The following LRRTM4 variants were observed in gnomAD, a reference collection of about 807,000 sequenced individuals.
The protein encoded by LRRTM4 is leucine rich repeat transmembrane neuronal 4, also known as leucine-rich repeat transmembrane neuronal protein 4.
A neutral mutation model predicts 47.6 loss-of-function variants in LRRTM4; 25 were observed. The ratio of observed to expected loss-of-function variants is 0.53; its 90% CI spans 0.38 to 0.73. The LOEUF (loss-of-function observed/expected upper bound fraction) is 0.73. Among genes scored for constraint, LRRTM4 ranks in the 30% least tolerant of loss-of-function variants. LRRTM4 has a pLI of 0.00. For missense variants in LRRTM4, 638 were observed against 713.4 expected, an observed-to-expected ratio of 0.89 and a Z score of 1.20; for synonymous variants, 311 against 269.5, an observed-to-expected ratio of 1.15 and a Z score of -1.51.
chr2:77,144,855 G>A (rs1356874674), intron 3 of LRRTM4, among the ~76,000 whole-genome samples: 1 of 152,110 alleles, frequency 6.6e-6, no homozygotes, highest in Non-Finnish European at 1.5e-5. Context: ...TATATTGACA[G>A]AACTGTTGTA....
At position 77,286,137 on chromosome 2, in the gene LRRTM4, G is replaced by A. The variant is rs374299589; in HGVS notation, c.1551+232181C>T. Among the ~76,000 whole-genome samples, 24 of 152,138 alleles carry A rather than the reference G, an allele frequency of 1.6e-4. No homozygotes were observed. In the South Asian group the frequency reaches 4.3e-3, roughly 28 times the overall value. ...TTGGATGTTTCCTGTTATTTTCAGA[G>A]TTGAAAAAATTATGGGGACCAGTCA... On this transcript the variant is annotated intron_variant, in intron 3 of 3. Transcript: ENST00000409884.
At chr2:77,321,076 A>G (rs1041185531) in intron 3 of LRRTM4, among the ~76,000 whole-genome samples, 2 of 152,122 alleles carry the variant, frequency 1.3e-5, no homozygotes. Flanking sequence ...ATTTTTTTAA[A>G]AAAAGGACAA....
In LRRTM4 at chr2:77,207,866, C is replaced by CTTT. The variant is rs754540782; in HGVS notation, c.1551+310449_1551+310451dup. Among the ~76,000 whole-genome samples, 190 of 42,612 alleles carry CTTT rather than the reference C, an allele frequency of 4.5e-3. 48 individuals carry two copies. Among genetic ancestry groups the CTTT allele is most frequent in the East Asian group, 9.2e-3 (11 of 1,198 alleles). 28.0% of individuals were successfully genotyped at this position (42,612 alleles called of 152,430 possible). A position where few individuals can be genotyped will look rare whatever the true frequency, so the allele number is the denominator to read the frequency against. ...ATGAAAGTTGAATAAGGGAAAGTGG[C>CTTT]TTTTTTTTTTTTTTTTTTTTTTTTT... On this transcript the variant is annotated intron_variant, in intron 3 of 3. Coordinates refer to ENST00000409884, the MANE Select transcript of LRRTM4 (RefSeq NM_001134745.3).
chr2:76,785,554 T>G (rs1674629516), intron 3 of LRRTM4, among the ~76,000 whole-genome samples: 1 of 152,118 alleles, frequency 6.6e-6, no homozygotes, highest in East Asian at 1.9e-4. Flanking sequence ...TGGAAGGTGT[T>G]TCTAGTGTTT....
At chr2:76,902,025 G>A (rs189951114) in intron 3 of LRRTM4, among the ~76,000 whole-genome samples, 1 of 152,252 alleles carries the variant, frequency 6.6e-6, no homozygotes, top group East Asian at 1.9e-4. Context: ...AAAAGAACAA[G>A]ATAGTTTTCT....
At chr2:76,804,598 C>T (rs11126571) in intron 3 of LRRTM4, among the ~76,000 whole-genome samples, 4,507 of 149,070 alleles carry the variant, frequency 0.03, 217 homozygotes, top group African/African-American at 0.091. Context: ...GTACAAGATA[C>T]TATGCATACT....
At chr2:76,890,639 A>G (rs1673221676) in intron 3 of LRRTM4, among the ~76,000 whole-genome samples, 1 of 152,052 alleles carries the variant, frequency 6.6e-6, no homozygotes, top group Non-Finnish European at 1.5e-5. Flanking sequence ...AATAAACTGC[A>G]TAAACAGTAA....
Position 77,171,223 on chromosome 2 carries a change from T to A in LRRTM4, c.1551+347095A>T, listed in dbSNP as rs189828267. Among the ~76,000 whole-genome samples the A allele has an allele frequency of 5.3e-5, 8 of 152,256 alleles. No homozygotes were observed. The East Asian group carries it at 1.2e-3, about 22-fold the overall frequency. ...ATGCTAGTTTACTTCTCTAGAATCA[T>A]GACAATCTGACAATTTGCTTTATGT... On this transcript the variant is annotated intron_variant, in intron 3 of 3. Coordinates refer to ENST00000409884, the MANE Select transcript of LRRTM4 (RefSeq NM_001134745.3).
chr2:77,000,982 T>G (rs764628191), intron 3 of LRRTM4, among the ~76,000 whole-genome samples: 23 of 152,208 alleles, frequency 1.5e-4, no homozygotes, highest in Admixed American at 3.3e-4. Context: ...GAGAACGATT[T>G]GAGACATTTA....
intron 3 of LRRTM4, among the ~76,000 whole-genome samples, chr2:76,898,026 TG>T (rs1673481628): frequency 6.6e-6 from 1 of 152,186 alleles, no homozygotes; most frequent in Admixed American, 6.6e-5. Context: ...GGCCCAGATT[TG>T]CTCCTTTGTT....
intron 3 of LRRTM4, among the ~76,000 whole-genome samples, chr2:76,899,212 T>G (rs940694757): frequency 6.6e-6 from 1 of 151,778 alleles, no homozygotes; most frequent in East Asian, 1.9e-4. Flanking sequence ...AACAAATATA[T>G]ATAGAGAGAG....
chr2:77,497,166 G>C (rs1375310622), intron 3 of LRRTM4, among the ~76,000 whole-genome samples: 1 of 151,484 alleles, frequency 6.6e-6, no homozygotes, highest in African/African-American at 2.4e-5. Context: ...TCTGATATTG[G>C]TAATTTGTAT....
chr2:77,333,018 T>A (rs977900347), intron 3 of LRRTM4, among the ~76,000 whole-genome samples: 1 of 152,196 alleles, frequency 6.6e-6, no homozygotes, highest in African/African-American at 2.4e-5. Context: ...TCTCATGATA[T>A]CTGATAGCTT....
intron 3 of LRRTM4, among the ~76,000 whole-genome samples, chr2:76,853,881 TTC>T (rs1278713358): frequency 1.3e-5 from 2 of 152,202 alleles, no homozygotes; most frequent in Non-Finnish European, 2.9e-5. Flanking sequence ...AGGAAATTTG[TTC>T]TCTCAATGCC....
At chr2:77,184,532 T>C (rs2103864227) in intron 3 of LRRTM4, among the ~76,000 whole-genome samples, 1 of 152,268 alleles carries the variant, frequency 6.6e-6, no homozygotes, top group East Asian at 1.9e-4. Context: ...CCTGCCCTGC[T>C]CTGCAAATGT....
intron 3 of LRRTM4, among the ~76,000 whole-genome samples, chr2:77,298,525 A>G (rs1677038540): frequency 6.6e-6 from 1 of 152,188 alleles, no homozygotes; most frequent in Middle Eastern, 3.4e-3. Flanking sequence ...GCGTTAAAGG[A>G]ACTTTTAAAA....
At chr2:77,332,196 T>G (rs1431757320) in intron 3 of LRRTM4, among the ~76,000 whole-genome samples, 2 of 152,040 alleles carry the variant, frequency 1.3e-5, no homozygotes, top group Non-Finnish European at 2.9e-5. Flanking sequence ...ACAAAACAAC[T>G]TTTTTTAGGT....
At chr2:76,870,014 A>G (rs911441430) in intron 3 of LRRTM4, among the ~76,000 whole-genome samples, 11 of 152,220 alleles carry the variant, frequency 7.2e-5, no homozygotes, top group African/African-American at 2.7e-4. Context: ...AGGGAGGCAC[A>G]AAACAATTAC....
chr2:76,881,439 C>A (rs915096833), intron 3 of LRRTM4, among the ~76,000 whole-genome samples: 6 of 145,880 alleles, frequency 4.1e-5, no homozygotes, highest in African/African-American at 2.5e-5. Flanking sequence ...AAGAATAAGA[C>A]TTTTTTGAGT....
Sources: allele counts gnomAD v4.1 joint callset (sites outside exome capture counted in the v4.1 genomes callset), GRCh38; gene constraint gnomAD v4.1.1; transcripts MANE v1.5; gene names NCBI Gene and HGNC (gene_info 2026-07-23, HGNC 2026-07-21).